Variants in EPSTI1 observed in about 807,000 individuals in gnomAD.
EPSTI1 encodes epithelial-stromal interaction protein 1.
In EPSTI1, 66 loss-of-function variants were observed where a neutral mutation model predicts 49.9. The ratio of observed to expected loss-of-function variants is 1.32; its 90% CI spans 1.08 to 1.62. The LOEUF (loss-of-function observed/expected upper bound fraction) is 1.62, where lower values mean the gene tolerates loss of function less well. Ranked by LOEUF, EPSTI1 falls within the 40% of genes most tolerant of loss-of-function variation. The pLI, the probability that EPSTI1 is intolerant of heterozygous loss-of-function variation, is 0.00. For missense variants in EPSTI1, 394 were observed against 365.5 expected (o/e 1.08, Z -0.64); for synonymous variants, 137 against 130.7 (o/e 1.05, Z -0.33).
At chr13:42,949,756 G>A (rs1437052306) in intron 6 of EPSTI1, among the ~76,000 whole-genome samples, 1 of 151,828 alleles carries the variant, frequency 6.6e-6, no homozygotes, top group African/African-American at 2.4e-5. Context: ...CACACAAAAT[G>A]AATCTGTCCT....
intron 6 of EPSTI1, among the ~76,000 whole-genome samples, chr13:42,949,958 A>T (rs375448845): frequency 1.4e-4 from 21 of 151,748 alleles, no homozygotes; most frequent in Non-Finnish European, 2.5e-4. Context: ...ATTGTTTTTT[A>T]AAAAAGGCTT....
At chr13:42,963,451 C>A in intron 4 of EPSTI1, 113 bp from the exon 5 acceptor site, 1 of 761,644 alleles carries the variant, frequency 1.3e-6, no homozygotes, top group South Asian at 1.8e-5. Flanking sequence ...TGCTATACCT[C>A]ACCATGATTA....
intron 8 of EPSTI1, among the ~76,000 whole-genome samples, chr13:42,900,855 A>T (rs1207811361): frequency 6.6e-6 from 1 of 152,176 alleles, no homozygotes; most frequent in Non-Finnish European, 1.5e-5. Context: ...AACATTCTCC[A>T]TCCTGGAGAG....
At position 42,965,405 on chromosome 13, in the gene EPSTI1, T is replaced by C. The variant is rs570339392; in HGVS notation, c.332-1266A>G. Among the ~76,000 whole-genome samples, 35 of 152,370 alleles carry C rather than the reference T, an allele frequency of 2.3e-4. No individual in the cohort carries two copies. In the South Asian group the frequency reaches 6.2e-3, roughly 27 times the overall value. On this transcript the variant is annotated intron_variant, in intron 3 of 10. Transcript: ENST00000313624. ...GTCAAAATGAGAATCCTGCTCATTT[T>C]CTGCTAAGGCTTCAAGACAACAGAT... is the stretch of plus-strand genomic sequence containing the variant.
intron 2 of EPSTI1, 123 bp downstream of exon 2, chr13:42,970,489 A>T: frequency 1.2e-6 from 1 of 818,196 alleles, no homozygotes; most frequent in Non-Finnish European, 1.8e-6. Flanking sequence ...TAAAAAAAAC[A>T]AAAAACCTTG....
chr13:42,906,159 G>A (rs966837913), intron 8 of EPSTI1, among the ~76,000 whole-genome samples: 5 of 152,176 alleles, frequency 3.3e-5, no homozygotes, highest in Non-Finnish European at 5.9e-5. Flanking sequence ...TCTGCTTCGA[G>A]CCCAGGTCAA....
chr13:42,923,291 T>C (rs912780892), intron 7 of EPSTI1, among the ~76,000 whole-genome samples: 3 of 152,206 alleles, frequency 2.0e-5, no homozygotes, highest in Non-Finnish European at 4.4e-5. Flanking sequence ...CCGGGTGCGG[T>C]GGCTCACACC....
rs1004399446 is a variant in EPSTI1 at position 42,974,992 on chromosome 13, A to C, written c.189-4322T>G. 2.0e-4 allele frequency among the ~76,000 whole-genome samples: 30 copies of C among 152,210 alleles called. 1 individual carries two copies. Among genetic ancestry groups the C allele is most frequent in the Non-Finnish European group, 2.9e-5 (2 of 68,046 alleles). On this transcript the variant is annotated intron_variant, in intron 1 of 10. Coordinates refer to ENST00000313624, the MANE Select transcript of EPSTI1 (RefSeq NM_033255.5). Reference sequence around the variant, plus strand: ...AGAATAGTAGACATGTAAAGTCTACAGTCCTGCAAAAAGTTGAAGTTTTCA... The same window carrying C: ...AGAATAGTAGACATGTAAAGTCTACCGTCCTGCAAAAAGTTGAAGTTTTCA...
intron 1 of EPSTI1, among the ~76,000 whole-genome samples, chr13:42,987,117 G>A (rs2040099076): frequency 6.6e-6 from 1 of 152,120 alleles, no homozygotes; most frequent in Non-Finnish European, 1.5e-5. Context: ...CTGGGGAAGG[G>A]GAGATGCATG....
chr13:42,964,023 C>T, intron 4 of EPSTI1, 43 bp downstream of exon 4: 2 of 1,530,136 alleles, frequency 1.3e-6, no homozygotes, highest in Non-Finnish European at 9.0e-7. Flanking sequence ...AGCTGGTACT[C>T]ATATTCCTTA....
At position 42,888,422 on chromosome 13, in the gene EPSTI1, A is replaced by G. The variant is rs2036926700; in HGVS notation, c.*72T>C. On this transcript the variant is annotated 3_prime_UTR_variant, in exon 11 of 11. Transcript: ENST00000313624. ...AAAAACAGTGAGGCTGAACAAAATCACATTAAGAAAAAGCATCTCATGAGG... is the reference window on the plus strand; with the variant it reads ...AAAAACAGTGAGGCTGAACAAAATCGCATTAAGAAAAAGCATCTCATGAGG... The G allele has an allele frequency of 6.2e-7, 1 of 1,614,160 alleles. No homozygotes were observed.
intron 6 of EPSTI1, among the ~76,000 whole-genome samples, chr13:42,952,746 A>G (rs1053941773): frequency 6.6e-6 from 1 of 152,094 alleles, no homozygotes; most frequent in Admixed American, 6.6e-5. Flanking sequence ...TCTCCCATCT[A>G]TTTTCTGGCC....
chr13:42,941,026 ATTC>A (rs2038735563), intron 6 of EPSTI1, among the ~76,000 whole-genome samples: 1 of 152,168 alleles, frequency 6.6e-6, no homozygotes, highest in Non-Finnish European at 1.5e-5. Flanking sequence ...TACTTAAAAC[ATTC>A]TTCATTATAT....
intron 3 of EPSTI1, among the ~76,000 whole-genome samples, chr13:42,965,089 G>A (rs1452269174): frequency 6.6e-6 from 1 of 152,208 alleles, no homozygotes; most frequent in Non-Finnish European, 1.5e-5. Context: ...GACTGCTATT[G>A]TGGGGGATGG....
At chr13:42,903,381 G>GGATGGGGACAACACAC (rs2037414967) in intron 8 of EPSTI1, among the ~76,000 whole-genome samples, 3 of 152,154 alleles carry the variant, frequency 2.0e-5, no homozygotes, top group Admixed American at 1.3e-4. Flanking sequence ...GAGAACACAT[G>GGATGGGGACAACACAC]GATGGGGACA....
intron 6 of EPSTI1, among the ~76,000 whole-genome samples, chr13:42,931,191 C>CTTTTTTTTTTTTT (rs57488808): frequency 1.3e-5 from 1 of 77,628 alleles, no homozygotes; most frequent in African/African-American, 4.9e-5. Flanking sequence ...TTGCCTACAG[C>CTTTTTTTTTTTTT]TTTTTTTTTT....
intron 10 of EPSTI1, among the ~76,000 whole-genome samples, chr13:42,894,557 A>T (rs67291819): frequency 0.063 from 9,575 of 152,126 alleles, 464 homozygotes; most frequent in East Asian, 0.19. Context: ...CTTTTGCTAT[A>T]GGGTTTCTAA....
chr13:42,897,908 G>A (rs2037242236), intron 9 of EPSTI1, among the ~76,000 whole-genome samples: 1 of 152,162 alleles, frequency 6.6e-6, no homozygotes, highest in Admixed American at 6.5e-5. Flanking sequence ...ATTGTGCTCT[G>A]GGTTTTCTTC....
chr13:42,919,151 ATG>A, intron 7 of EPSTI1: 1 of 622,294 alleles, frequency 1.6e-6, no homozygotes, highest in Non-Finnish European at 2.8e-6. Context: ...ATTAGAATAC[ATG>A]TCTTAGTTTT....
Sources: gnomAD v4.1 joint callset for allele counts (sites outside exome capture counted in the v4.1 genomes callset) on GRCh38, gnomAD v4.1.1 for gene constraint, MANE v1.5 for transcripts, NCBI Gene and HGNC (gene_info 2026-07-23, HGNC 2026-07-21) for gene names.